MCTP2: variants seen among roughly 807,000 people sequenced by gnomAD.
The protein encoded by MCTP2 is multiple C2 and transmembrane domain-containing protein 2.
A neutral mutation model predicts 111.6 loss-of-function variants in MCTP2; 132 were observed. The observed-to-expected ratio is 1.18, with a 90% CI of 1.03 to 1.37. The LOEUF (loss-of-function observed/expected upper bound fraction) is 1.37, where lower values mean the gene tolerates loss of function less well. Among genes scored for constraint, MCTP2 ranks in the 40% most tolerant of loss-of-function variants. MCTP2 has a pLI of 0.00. For missense variants in MCTP2, 1,183 were observed against 1,067.9 expected (o/e 1.11, Z -1.50); for synonymous variants, 395 against 387.7 (o/e 1.02, Z -0.22).
chr15:94,432,584 A>G (rs1442295813), intron 17 of MCTP2, among the ~76,000 whole-genome samples: 2 of 152,218 alleles, frequency 1.3e-5, no homozygotes, highest in African/African-American at 4.8e-5. Flanking sequence ...ATGAACAACC[A>G]TAATGAAATA....
intron 3 of MCTP2, chr15:94,314,854 G>C (rs904383801): frequency 1.1e-5 from 5 of 445,688 alleles, no homozygotes; most frequent in Non-Finnish European, 2.3e-5. Flanking sequence ...AAGTGACTGA[G>C]TTGCGGGAAG....
chr15:94,305,201 A>G (rs1017515962), intron 2 of MCTP2, among the ~76,000 whole-genome samples: 3 of 152,176 alleles, frequency 2.0e-5, no homozygotes, highest in African/African-American at 7.2e-5. Context: ...GTGTCCTTAT[A>G]CAAGAGAAAG....
At position 94,334,460 on chromosome 15, in the gene MCTP2, A is replaced by G. The variant is rs16948941; in HGVS notation, c.638-4830A>G. 8.2e-3 allele frequency among the ~76,000 whole-genome samples: 1,252 copies of G among 152,324 alleles called. 16 individuals carry two copies. The highest frequency in any genetic ancestry group is 0.029 in the African/African-American group (1,191 of 41,572). On this transcript the variant is annotated intron_variant, in intron 4 of 22. Coordinates refer to ENST00000357742, the MANE Select transcript of MCTP2 (RefSeq NM_001385001.1). Reference sequence around the variant, plus strand: ...TTTGGAGAAATTTAATAATATACTCATAGGTGGTCCAAATAATGTTTTCTA... The same window carrying G: ...TTTGGAGAAATTTAATAATATACTCGTAGGTGGTCCAAATAATGTTTTCTA...
intron 20 of MCTP2, among the ~76,000 whole-genome samples, chr15:94,467,439 C>T (rs958569147): frequency 3.5e-5 from 2 of 57,338 alleles, no homozygotes; most frequent in Non-Finnish European, 3.7e-5. Flanking sequence ...CAAATATGAC[C>T]AATGGAATAT....
chr15:94,365,089 G>C (rs964997439), intron 10 of MCTP2, among the ~76,000 whole-genome samples: 6 of 152,146 alleles, frequency 3.9e-5, no homozygotes, highest in Non-Finnish European at 7.4e-5. Context: ...TGGTGGGTCA[G>C]GACCTCTAAG....
At chr15:94,251,313 T>A (rs186376177) in intron 1 of MCTP2, among the ~76,000 whole-genome samples, 1 of 152,354 alleles carries the variant, frequency 6.6e-6, no homozygotes, top group Admixed American at 6.5e-5. Context: ...TTTTGTCATT[T>A]TTATGTTTTC....
chr15:94,316,275 TTATC>T (rs1240866793), intron 4 of MCTP2, among the ~76,000 whole-genome samples: 3 of 152,240 alleles, frequency 2.0e-5, no homozygotes, highest in Non-Finnish European at 2.9e-5. Context: ...AATGTTTTGT[TTATC>T]TATTTCTCTA....
intron 1 of MCTP2, among the ~76,000 whole-genome samples, chr15:94,259,435 A>G (rs2073047632): frequency 1.3e-5 from 2 of 152,154 alleles, no homozygotes; most frequent in Non-Finnish European, 2.9e-5. Flanking sequence ...AAAAATTCAC[A>G]ATTCAGAAAC....
intron 17 of MCTP2, among the ~76,000 whole-genome samples, chr15:94,409,631 G>A (rs755301379): frequency 2.0e-4 from 30 of 151,930 alleles, no homozygotes; most frequent in Non-Finnish European, 2.6e-4. Flanking sequence ...AGACTCCAGA[G>A]GTCGTGTAGC....
chr15:94,277,911 G>T (rs1451091316), intron 1 of MCTP2, among the ~76,000 whole-genome samples: 1 of 152,048 alleles, frequency 6.6e-6, no homozygotes, highest in Non-Finnish European at 1.5e-5. Flanking sequence ...AAATAAAAGC[G>T]AAGAAATGTA....
rs528543149 is a variant in MCTP2 at position 94,340,953 on chromosome 15, C to T, written c.969+29C>T. ...AGTGGGACCTTCTATTCTTTTGAAA[C>T]CTCTCATTTTGTCGTTTTGAAATGG... On this transcript the variant is annotated intron_variant, in intron 7 of 22. Transcript: ENST00000357742. The T allele has an allele frequency of 1.1e-5, 15 of 1,419,112 alleles. No individual in the cohort carries two copies. The African/African-American group carries it at 1.6e-4, about 15-fold the overall frequency. 87.9% of individuals were successfully genotyped at this position (1,419,112 alleles called of 1,614,324 possible). A position where few individuals can be genotyped will look rare whatever the true frequency, so the allele number is the denominator to read the frequency against.
chr15:94,330,342 T>C (rs2077074159), intron 4 of MCTP2, among the ~76,000 whole-genome samples: 1 of 152,204 alleles, frequency 6.6e-6, no homozygotes, highest in Non-Finnish European at 1.5e-5. Flanking sequence ...GGATTATTTT[T>C]AGTAATTTTT....
chr15:94,354,472 A>T (rs1033010494), intron 8 of MCTP2, among the ~76,000 whole-genome samples: 3 of 152,030 alleles, frequency 2.0e-5, no homozygotes, highest in Non-Finnish European at 4.4e-5. Context: ...GGATCTTTCC[A>T]CTTCACTCGG....
chr15:94,344,089 A>G (rs1191661966), intron 7 of MCTP2: 1 of 151,914 alleles, frequency 6.6e-6, no homozygotes, highest in Non-Finnish European at 1.5e-5. Flanking sequence ...AAACCCTGAT[A>G]TTAATATCCA....
At chr15:94,341,003 C>G (rs773563120) in intron 7 of MCTP2, 79 bp downstream of exon 7, 20 of 871,224 alleles carry the variant, frequency 2.3e-5, no homozygotes, top group Non-Finnish European at 3.5e-5. Flanking sequence ...CCCTTGATAG[C>G]TAGCAGATGA....
chr15:94,476,273 G>C (rs901360772), intron 21 of MCTP2: 1 of 155,578 alleles, frequency 6.4e-6, no homozygotes, highest in South Asian at 1.9e-4. Flanking sequence ...TTTCCCATCT[G>C]GGACATTTGT....
intron 17 of MCTP2, 152 bp from the exon 18 acceptor site, chr15:94,440,024 G>C (rs2083686680): frequency 2.4e-6 from 2 of 832,004 alleles, no homozygotes; most frequent in Admixed American, 2.3e-5. Flanking sequence ...AAAATGAGTT[G>C]ATCATTGTGT....
At chr15:94,457,809 G>A (rs999765119) in intron 19 of MCTP2, among the ~76,000 whole-genome samples, 3 of 152,290 alleles carry the variant, frequency 2.0e-5, no homozygotes, top group Non-Finnish European at 2.9e-5. Flanking sequence ...GGAAGTCAGA[G>A]TTAGCCAGAC....
rs2074731823 is a variant in MCTP2, at chr15:94,481,621, C to T, written c.*2587C>T. On this transcript the variant is annotated 3_prime_UTR_variant, in exon 23 of 23. Coordinates refer to ENST00000357742, the MANE Select transcript of MCTP2 (RefSeq NM_001385001.1). ...TACTCTCCTTCAACACTTCCAAAGT[C>T]TCCTGCCCCAAAGAGGCTTAGTTAG... 1.3e-5 allele frequency: 2 copies of T among 152,272 alleles called. No homozygotes were observed. The highest frequency in any genetic ancestry group is 1.3e-4 in the Admixed American group (2 of 15,288). 9.4% of individuals were successfully genotyped at this position (152,272 alleles called of 1,614,324 possible).
Sources: allele counts gnomAD v4.1 joint callset (sites outside exome capture counted in the v4.1 genomes callset), GRCh38; gene constraint gnomAD v4.1.1; transcripts MANE v1.5; gene names NCBI Gene and HGNC (gene_info 2026-07-23, HGNC 2026-07-21).